Variants in RIC1 observed in about 807,000 individuals in gnomAD.
The protein encoded by RIC1 is guanine nucleotide exchange factor subunit RIC1.
Under a neutral mutation model 169.0 loss-of-function variants are expected in RIC1, and 88 were observed. The ratio of observed to expected loss-of-function variants is 0.52; its 90% confidence interval spans 0.44 to 0.62. The LOEUF is 0.62. Among genes scored for constraint, RIC1 ranks in the 20% least tolerant of loss-of-function variants. RIC1 has a pLI of 0.00. For synonymous variants in RIC1, 790 were observed against 601.5 expected (o/e 1.31, Z -4.59); for missense variants, 1,877 against 1,725.5 (o/e 1.09, Z -1.56).
chr9:5,760,505 GAATTACAGTA>G, intron 17 of RIC1, among the ~76,000 whole-genome samples: 1 of 152,306 alleles, frequency 6.6e-6, no homozygotes, highest in South Asian at 2.1e-4. Context: ...ATATTGTGGT[GAATTACAGTA>G]AATGCCTTTA....
chr9:5,679,484 C>T (rs564948461), intron 2 of RIC1, among the ~76,000 whole-genome samples: 2 of 152,254 alleles, frequency 1.3e-5, no homozygotes, highest in African/African-American at 2.4e-5. Context: ...ATGGAAAGTT[C>T]TTCCATTTGT....
At chr9:5,708,008 T>C (rs1822696586) in intron 3 of RIC1, among the ~76,000 whole-genome samples, 1 of 152,076 alleles carries the variant, frequency 6.6e-6, no homozygotes, top group African/African-American at 2.4e-5. Flanking sequence ...TTGTTGTTGG[T>C]TTGATTTTTT....
At chr9:5,715,693 GA>G (rs1056116213) in intron 4 of RIC1, among the ~76,000 whole-genome samples, 2 of 152,030 alleles carry the variant, frequency 1.3e-5, no homozygotes, top group African/African-American at 4.8e-5. Context: ...TTGATTTGAA[GA>G]AAAAATATTA....
chr9:5,647,489 T>C (rs753116161), intron 1 of RIC1, among the ~76,000 whole-genome samples: 8 of 152,194 alleles, frequency 5.3e-5, no homozygotes, highest in Non-Finnish European at 7.4e-5. Flanking sequence ...TTCAGTGATA[T>C]TTTGCAGTTT....
chr9:5,758,752 C>CTT (rs1233419584), intron 17 of RIC1, among the ~76,000 whole-genome samples: 8 of 36,438 alleles, frequency 2.2e-4, no homozygotes, highest in South Asian at 7.5e-4. Flanking sequence ...GTCCTTTTTT[C>CTT]TTTTTTTTTT....
intron 21 of RIC1, among the ~76,000 whole-genome samples, chr9:5,767,620 T>C (rs566561483): frequency 7.3e-4 from 111 of 152,312 alleles, no homozygotes; most frequent in African/African-American, 2.6e-3. Context: ...GGAGTTTCGC[T>C]CTTGTTGCCC....
chr9:5,713,778 AG>A, intron 3 of RIC1, 117 bp from the exon 4 acceptor site: 1 of 563,954 alleles, frequency 1.8e-6, no homozygotes, highest in East Asian at 3.0e-5. Context: ...GAGAATCTGA[AG>A]GATGAATACC....
At chr9:5,705,963 G>C (rs1822561654) in intron 3 of RIC1, among the ~76,000 whole-genome samples, 1 of 152,082 alleles carries the variant, frequency 6.6e-6, no homozygotes, top group Non-Finnish European at 1.5e-5. Flanking sequence ...ATTTTCATGT[G>C]TTGAACCACC....
chr9:5,757,773 T>G (rs570572257), intron 17 of RIC1, among the ~76,000 whole-genome samples: 1 of 152,248 alleles, frequency 6.6e-6, no homozygotes, highest in Admixed American at 6.5e-5. Context: ...GGAGAATAAG[T>G]AGAAATTATC....
chr9:5,768,988 C>G lies in RIC1; in HGVS notation c.3156C>G (p.Asp1052Glu). The G allele has an allele frequency of 6.2e-7, 1 of 1,610,372 alleles. No individual in the cohort carries two copies. Among genetic ancestry groups the G allele is most frequent in the South Asian group, 1.1e-5 (1 of 90,406 alleles). Reference sequence around the variant, plus strand: ...CTTACAGATGGAGCAAAGACAGTGACTGTGCTGAGAACATGTATATTGACA... The same window carrying G: ...CTTACAGATGGAGCAAAGACAGTGAGTGTGCTGAGAACATGTATATTGACA... ...PSGKRWSKDS[D>E]CAENMYIDMM... Residue 1052 changes from aspartate to glutamate, a missense_variant, in exon 22 of 26, where the codon GAC (aspartate) becomes GAG (glutamate). Asp to Glu is a conservative substitution (Grantham distance 45). This residue lies in a region of RIC1 where 681 missense variants were observed against 582.0 expected (regional missense o/e 1.17). Coordinates refer to ENST00000414202, the MANE Select transcript of RIC1 (RefSeq NM_020829.4).
intron 12 of RIC1, among the ~76,000 whole-genome samples, chr9:5,747,994 A>G (rs35511303): frequency 0.019 from 2,965 of 152,254 alleles, 33 homozygotes; most frequent in Non-Finnish European, 0.024. Flanking sequence ...TAATACTTTT[A>G]TTAGCTAATC....
chr9:5,697,253 A>G (rs1276836123), intron 3 of RIC1, among the ~76,000 whole-genome samples: 1 of 152,158 alleles, frequency 6.6e-6, no homozygotes, highest in African/African-American at 2.4e-5. Context: ...CTGCCATACT[A>G]TGCTTGGTTT....
intron 8 of RIC1, 58 bp from the exon 9 acceptor site, chr9:5,742,811 A>AAAC (rs386414372): frequency 5.4e-6 from 8 of 1,474,570 alleles, no homozygotes; most frequent in Middle Eastern, 2.0e-4. Flanking sequence ...AAAAAAAAAA[A>AAAC]AACAAGTATT....
chr9:5,727,134 C>T (rs202211610), intron 6 of RIC1, among the ~76,000 whole-genome samples: 12 of 152,156 alleles, frequency 7.9e-5, no homozygotes, highest in African/African-American at 2.4e-4. Flanking sequence ...TCCTGGATAA[C>T]ATCCTGCAGA....
At chr9:5,658,235 C>A (rs1384166302) in intron 2 of RIC1, among the ~76,000 whole-genome samples, 3 of 151,928 alleles carry the variant, frequency 2.0e-5, no homozygotes, top group Non-Finnish European at 4.4e-5. Flanking sequence ...AATTAGATGG[C>A]AAAATATTGT....
intron 2 of RIC1, among the ~76,000 whole-genome samples, chr9:5,663,810 T>G (rs1415166436): frequency 6.6e-6 from 1 of 152,198 alleles, no homozygotes; most frequent in Non-Finnish European, 1.5e-5. Flanking sequence ...CATTTACATT[T>G]AAGGTTAGTA....
At chr9:5,762,473 T>A in intron 17 of RIC1, 68 bp from the exon 18 acceptor site, 1 of 1,571,770 alleles carries the variant, frequency 6.4e-7, no homozygotes, top group Non-Finnish European at 8.7e-7. Flanking sequence ...ACCTTATGGA[T>A]TGGGGGGAGA....
rs73390658 is a variant in RIC1, at chr9:5,632,920, C to T, written c.144+3467C>T. ...TAGACATTCTCGTTTTTCAGGTCAC[C>T]GACTTTAAACATTTAAATTAGCTTC... is the stretch of plus-strand genomic sequence containing the variant. On this transcript the variant is annotated intron_variant, in intron 1 of 25. Coordinates refer to ENST00000414202, the MANE Select transcript of RIC1 (RefSeq NM_020829.4). Among the ~76,000 whole-genome samples the T allele has an allele frequency of 6.8e-3, 1,030 of 151,972 alleles. 13 individuals are homozygous for T. The highest frequency in any genetic ancestry group is 0.023 in the African/African-American group (942 of 41,424).
intron 1 of RIC1, among the ~76,000 whole-genome samples, chr9:5,646,569 T>C (rs1274859079): frequency 2.0e-5 from 3 of 152,230 alleles, no homozygotes; most frequent in Admixed American, 6.5e-5. Context: ...ATATGCTATA[T>C]AGGCTTGTAT....
Sources: gnomAD v4.1 joint callset for allele counts (sites outside exome capture counted in the v4.1 genomes callset) on GRCh38, gnomAD v4.1.1 for gene constraint, gnomAD v4.1.1 regional missense constraint, MANE v1.5 for transcripts, NCBI Gene and HGNC (gene_info 2026-07-23, HGNC 2026-07-21) for gene names.